CSMD1: variants seen among roughly 807,000 people sequenced by gnomAD.
The protein encoded by CSMD1 is CUB and sushi domain-containing protein 1.
A neutral mutation model predicts 417.5 loss-of-function variants in CSMD1; 213 were observed. The ratio of observed to expected loss-of-function variants is 0.51; its 90% CI spans 0.46 to 0.57. CSMD1 has a LOEUF of 0.57. Among genes scored for constraint, CSMD1 ranks in the 20% least tolerant of loss-of-function variants. CSMD1 has a pLI of 0.00. For missense variants in CSMD1, 6,923 were observed against 4,529.7 expected (o/e 1.53, Z -15.17); for synonymous variants, 2,862 against 1,736.8 (o/e 1.65, Z -16.11).
At chr8:3,619,428 T>C (rs1305608295) in intron 7 of CSMD1, among the ~76,000 whole-genome samples, 5 of 151,820 alleles carry the variant, frequency 3.3e-5, no homozygotes, top group Admixed American at 3.3e-4. Context: ...GAGGGAAACA[T>C]GGCCATTCAA....
intron 3 of CSMD1, among the ~76,000 whole-genome samples, chr8:4,287,270 T>C (rs979029179): frequency 1.3e-5 from 2 of 152,320 alleles, no homozygotes; most frequent in South Asian, 4.1e-4. Flanking sequence ...ATTCCTTGAA[T>C]ATAATTAGTA....
At chr8:3,186,091 G>A (rs909441939) in intron 36 of CSMD1, among the ~76,000 whole-genome samples, 1 of 148,724 alleles carries the variant, frequency 6.7e-6, no homozygotes, top group African/African-American at 2.5e-5. Flanking sequence ...TCACCTACCT[G>A]TAATGCTGTC....
At chr8:4,330,678 T>G (rs922622489) in intron 3 of CSMD1, among the ~76,000 whole-genome samples, 4 of 152,110 alleles carry the variant, frequency 2.6e-5, no homozygotes, top group African/African-American at 9.7e-5. Context: ...AGTTTTACAC[T>G]CCTAGGTGTT....
chr8:3,294,757 A>T (rs1267410539), intron 25 of CSMD1, among the ~76,000 whole-genome samples: 1 of 151,834 alleles, frequency 6.6e-6, no homozygotes, highest in Non-Finnish European at 1.5e-5. Context: ...GAATTCCCTG[A>T]CCCCTTGCAC....
intron 1 of CSMD1, among the ~76,000 whole-genome samples, chr8:4,959,949 T>C (rs1356051356): frequency 1.3e-5 from 2 of 152,162 alleles, no homozygotes; most frequent in Non-Finnish European, 2.9e-5. Context: ...ACACTTACTC[T>C]CCTTAAAAAT....
chr8:4,223,792 C>A (rs533404197), intron 3 of CSMD1, among the ~76,000 whole-genome samples: 9 of 152,246 alleles, frequency 5.9e-5, no homozygotes, highest in East Asian at 5.8e-4. Context: ...AATTAAAAAG[C>A]CCCTTGGCCA....
At position 4,266,042 on chromosome 8, in the gene CSMD1, G is replaced by C. The variant is rs1271975298; in HGVS notation, c.415+153911C>G. 3.9e-5 allele frequency among the ~76,000 whole-genome samples: 4 copies of C among 103,790 alleles called. 1 individual carries two copies. The highest frequency in any genetic ancestry group is 1.1e-4 in the African/African-American group (4 of 38,066). The allele number at this position is 103,790 out of a possible 152,430, so 68.1% of individuals were successfully genotyped here. ...GGCCCACCGCACTCAGGCTCGCCCG[G>C]CATATTAGCTGATACTGATCACCTG... On this transcript the variant is annotated intron_variant, in intron 3 of 69. Coordinates refer to ENST00000635120, the MANE Select transcript of CSMD1 (RefSeq NM_033225.6).
intron 3 of CSMD1, among the ~76,000 whole-genome samples, chr8:4,392,244 G>C (rs781443787): frequency 3.3e-4 from 50 of 152,210 alleles, no homozygotes; most frequent in Middle Eastern, 3.4e-3. Flanking sequence ...TACTTGTGAG[G>C]ATATAAACTG....
intron 12 of CSMD1, among the ~76,000 whole-genome samples, chr8:3,427,461 T>G (rs980531599): frequency 6.6e-6 from 1 of 152,148 alleles, no homozygotes; most frequent in Non-Finnish European, 1.5e-5. Flanking sequence ...TATATATTTT[T>G]GAAACCTTTA....
chr8:3,775,122 C>T (rs867529439), intron 5 of CSMD1, among the ~76,000 whole-genome samples: 24 of 151,998 alleles, frequency 1.6e-4, no homozygotes, highest in Middle Eastern at 3.2e-3. Flanking sequence ...TGCTGTTGAC[C>T]GTAGGTAACT....
chr8:2,956,261 C>T (rs1803001251), intron 63 of CSMD1, among the ~76,000 whole-genome samples: 1 of 151,822 alleles, frequency 6.6e-6, no homozygotes, highest in African/African-American at 2.4e-5. Context: ...TTTGATAAAA[C>T]TTTAATGTGT....
chr8:3,381,785 C>T (rs1326939559), intron 18 of CSMD1, among the ~76,000 whole-genome samples: 1 of 152,108 alleles, frequency 6.6e-6, no homozygotes, highest in Non-Finnish European at 1.5e-5. Context: ...AATCTCACTG[C>T]TCCCACGCTA....
rs1046184966 is a variant in CSMD1 at position 4,643,783 on chromosome 8, G to C, written c.86-6225C>G. ...GGTTATTCCAGGGTCTGCATTATGG[G>C]GAAAATAATTAATTGTGGAAGGACC... On this transcript the variant is annotated intron_variant, in intron 1 of 69. Transcript: ENST00000635120. Among the ~76,000 whole-genome samples the C allele has an allele frequency of 2.8e-4, 42 of 152,264 alleles. 1 individual carries two copies. The highest frequency in any genetic ancestry group is 2.0e-3 in the Admixed American group (30 of 15,302).
chr8:3,625,889 T>C (rs2449222), intron 7 of CSMD1, among the ~76,000 whole-genome samples: 17,289 of 152,164 alleles, frequency 0.11, 1,277 homozygotes, highest in African/African-American at 0.2. Flanking sequence ...CAATTATCTT[T>C]CCAACTGATA....
chr8:3,831,010 T>C (rs187626024), intron 5 of CSMD1, among the ~76,000 whole-genome samples: 1 of 152,250 alleles, frequency 6.6e-6, no homozygotes, highest in Admixed American at 6.5e-5. Context: ...AAATTTCTGC[T>C]TGTTGGCTCT....
chr8:4,984,061 G>A (rs1383696915), intron 1 of CSMD1, among the ~76,000 whole-genome samples: 1 of 152,172 alleles, frequency 6.6e-6, no homozygotes, highest in African/African-American at 2.4e-5. Context: ...GAGAGATGCT[G>A]TACCCTACAG....
chr8:3,420,464 C>A (rs556107862), intron 12 of CSMD1, among the ~76,000 whole-genome samples: 1 of 148,992 alleles, frequency 6.7e-6, no homozygotes, highest in South Asian at 2.1e-4. Flanking sequence ...TAAAATACGA[C>A]CTTCAGTTAA....
chr8:3,645,183 C>T (rs1442650124), intron 7 of CSMD1, among the ~76,000 whole-genome samples: 6 of 152,068 alleles, frequency 3.9e-5, no homozygotes, highest in East Asian at 1.9e-4. Flanking sequence ...CCTTACTTCA[C>T]TGAGTCCTGG....
At chr8:4,311,257 C>T (rs760950116) in intron 3 of CSMD1, among the ~76,000 whole-genome samples, 1 of 152,162 alleles carries the variant, frequency 6.6e-6, no homozygotes, top group African/African-American at 2.4e-5. Context: ...CCTAAATGTC[C>T]ATCAATGACA....
Sources: gnomAD v4.1 joint callset for allele counts (sites outside exome capture counted in the v4.1 genomes callset) on GRCh38, gnomAD v4.1.1 for gene constraint, MANE v1.5 for transcripts, NCBI Gene and HGNC (gene_info 2026-07-23, HGNC 2026-07-21) for gene names.